The following TXK variants were observed in gnomAD, a reference collection of about 807,000 sequenced individuals.
TXK encodes the protein TXK tyrosine kinase, also known as tyrosine-protein kinase TXK.
Under a neutral mutation model 81.0 loss-of-function variants are expected in TXK, and 60 were observed. That is an observed-to-expected ratio of 0.74 (90% CI 0.60 to 0.92). The LOEUF is 0.92. Ranked by LOEUF, TXK falls within the 40% of genes least tolerant of loss-of-function variation. The pLI, the probability that TXK is intolerant of heterozygous loss-of-function variation, is 0.00. For missense variants in TXK, 581 were observed against 638.3 expected (o/e 0.91, Z 0.97); for synonymous variants, 203 against 210.7 (o/e 0.96, Z 0.32).
intron 13 of TXK, among the ~76,000 whole-genome samples, chr4:48,071,977 A>G (rs2109395753): frequency 7.1e-6 from 1 of 141,142 alleles, no homozygotes; most frequent in African/African-American, 2.6e-5. Context: ...TTTTTGAGAC[A>G]GGGTCTCGCT....
intron 5 of TXK, among the ~76,000 whole-genome samples, chr4:48,105,277 T>G (rs893358371): frequency 6.6e-6 from 1 of 152,090 alleles, no homozygotes; most frequent in Non-Finnish European, 1.5e-5. Context: ...AAACACTGAG[T>G]TTTGGCAGAC....
intron 14 of TXK, 131 bp downstream of exon 14, chr4:48,071,386 C>T (rs1262064303): frequency 1.1e-6 from 1 of 908,670 alleles, no homozygotes; most frequent in Non-Finnish European, 1.7e-6. Flanking sequence ...ACTTCAGACT[C>T]TCAGGATCAT....
At chr4:48,113,147 T>C in intron 3 of TXK, 60 bp downstream of exon 3, 2 of 1,278,452 alleles carry the variant, frequency 1.6e-6, no homozygotes, top group Non-Finnish European at 2.3e-6. Context: ...ACCTCATGAA[T>C]GAAGACTCTA....
At chr4:48,121,861 T>C (rs1186383957) in intron 1 of TXK, among the ~76,000 whole-genome samples, 2 of 152,224 alleles carry the variant, frequency 1.3e-5, no homozygotes, top group African/African-American at 4.8e-5. Context: ...AGAATGGTTA[T>C]GGTTTATAAC....
At position 48,104,295 on chromosome 4, in the gene TXK, TA is replaced by T. The variant is rs375268150; in HGVS notation, c.501+605del. Among the ~76,000 whole-genome samples, 2 of 8,000 alleles carry T rather than the reference TA, an allele frequency of 2.5e-4. 1 individual carries two copies. Among genetic ancestry groups the T allele is most frequent in the Non-Finnish European group, 3.2e-4 (2 of 6,198 alleles). 5.2% of individuals were successfully genotyped at this position (8,000 alleles called of 152,430 possible). ...TATAATATATAATATATATAATATA[TA>T]ATATAATATATAATATATATAATAT... is the stretch of plus-strand genomic sequence containing the variant. On this transcript the variant is annotated intron_variant, in intron 6 of 14. Coordinates refer to ENST00000264316, the MANE Select transcript of TXK (RefSeq NM_003328.3).
chr4:48,090,677 C>T (rs1717730428), intron 8 of TXK, among the ~76,000 whole-genome samples: 1 of 152,148 alleles, frequency 6.6e-6, no homozygotes, highest in African/African-American at 2.4e-5. Context: ...CAGTAGGGAA[C>T]AAGACTGATG....
At chr4:48,084,594 C>G (rs1264434769) in intron 10 of TXK, among the ~76,000 whole-genome samples, 1 of 152,122 alleles carries the variant, frequency 6.6e-6, no homozygotes, top group Non-Finnish European at 1.5e-5. Flanking sequence ...TATAGAAAAA[C>G]CACGGTAGGA....
At chr4:48,116,392 T>C (rs928336313) in intron 1 of TXK, among the ~76,000 whole-genome samples, 5 of 152,144 alleles carry the variant, frequency 3.3e-5, no homozygotes, top group African/African-American at 4.8e-5. Flanking sequence ...AAGGTAAGTA[T>C]TATCAGTCAG....
intron 8 of TXK, among the ~76,000 whole-genome samples, chr4:48,092,373 A>AG (rs2109431044): frequency 6.6e-6 from 1 of 152,342 alleles, no homozygotes; most frequent in African/African-American, 2.4e-5. Context: ...TCAAACATCG[A>AG]AGGAGCAACA....
intron 8 of TXK, among the ~76,000 whole-genome samples, chr4:48,090,844 A>G (rs1717737053): frequency 6.6e-6 from 1 of 152,254 alleles, no homozygotes; most frequent in Non-Finnish European, 1.5e-5. Context: ...GGCCTTTCAG[A>G]CAAGATGACA....
At position 48,070,933 on chromosome 4, in the gene TXK, C is replaced by T. The variant is rs1490325244; in HGVS notation, c.1515+584G>A. On this transcript the variant is annotated intron_variant, in intron 14 of 14. Coordinates refer to ENST00000264316, the MANE Select transcript of TXK (RefSeq NM_003328.3). ...TTTTTTTTTGAGATGGAGTCTCACTCTGTCGCCCAGGCTGGAGTGCAGTGG... is the reference window on the plus strand; with the variant it reads ...TTTTTTTTTGAGATGGAGTCTCACTTTGTCGCCCAGGCTGGAGTGCAGTGG... 2.5e-4 allele frequency among the ~76,000 whole-genome samples: 32 copies of T among 126,494 alleles called. 1 individual carries two copies. Among genetic ancestry groups the T allele is most frequent in the African/African-American group, 9.4e-4 (30 of 31,838 alleles). 83.0% of individuals were successfully genotyped at this position (126,494 alleles called of 152,430 possible).
At chr4:48,091,777 T>G (rs1289975777) in intron 8 of TXK, among the ~76,000 whole-genome samples, 1 of 152,186 alleles carries the variant, frequency 6.6e-6, no homozygotes, top group Non-Finnish European at 1.5e-5. Flanking sequence ...AGTGTTGTAA[T>G]TACAGGCATG....
chr4:48,104,597 G>T (rs11725976), intron 6 of TXK, among the ~76,000 whole-genome samples: 1,572 of 38,780 alleles, frequency 0.041, 372 homozygotes, highest in Non-Finnish European at 0.062. Flanking sequence ...TATATATATA[G>T]AGAGAGAGAG....
At chr4:48,088,967 C>G (rs191841434) in intron 9 of TXK, among the ~76,000 whole-genome samples, 1 of 152,148 alleles carries the variant, frequency 6.6e-6, no homozygotes, top group East Asian at 1.9e-4. Context: ...CTGGCACTTA[C>G]GTATTCTCAC....
intron 6 of TXK, among the ~76,000 whole-genome samples, chr4:48,102,811 G>A (rs149483108): frequency 3.5e-4 from 54 of 152,160 alleles, no homozygotes; most frequent in African/African-American, 1.2e-3. Flanking sequence ...TACCCATAAC[G>A]GTACTTTGAA....
At chr4:48,094,446 G>C (rs1717903209) in intron 7 of TXK, among the ~76,000 whole-genome samples, 1 of 152,166 alleles carries the variant, frequency 6.6e-6, no homozygotes, top group Non-Finnish European at 1.5e-5. Flanking sequence ...CCAGTGTTCA[G>C]AAAAGTAGAT....
Position 48,067,702 on chromosome 4 carries a change from G to A in TXK, c.1519C>T (p.Pro507Ser), listed in dbSNP as rs1237881319. The A allele has an allele frequency of 1.2e-6, 2 of 1,613,948 alleles. No individual in the cohort carries two copies. The highest frequency in any genetic ancestry group is 2.7e-5 in the African/African-American group (2 of 74,886). ...EVMYSCWHEKPEGRPTFAELL... is the reference protein window; with the variant it reads ...EVMYSCWHEKSEGRPTFAELL... ...TCGGCAAATGTAGGGCGGCCTTCAG[G>A]TTTCTGGAAAAGGGAAGTGGGGGTG... The change falls in exon 15 of 15, where the codon CCT becomes TCT. Residue 507 changes from proline to serine, a missense_variant. Physicochemically the swap from Pro to Ser is moderately conservative, Grantham distance 74. Transcript: ENST00000264316.
intron 1 of TXK, among the ~76,000 whole-genome samples, chr4:48,116,024 C>G (rs1195243061): frequency 1.3e-5 from 2 of 152,146 alleles, no homozygotes; most frequent in African/African-American, 4.8e-5. Context: ...GGGTTTAGCC[C>G]TAGTCACCTG....
chr4:48,114,579 C>T, intron 1 of TXK, 177 bp from the exon 2 acceptor site: 1 of 637,454 alleles, frequency 1.6e-6, no homozygotes, highest in South Asian at 1.9e-5. Context: ...TTTCTGGCAC[C>T]TTGGCCAGTG....
Sources: gnomAD v4.1 joint callset for allele counts (sites outside exome capture counted in the v4.1 genomes callset) on GRCh38, gnomAD v4.1.1 for gene constraint, MANE v1.5 for transcripts, NCBI Gene and HGNC (gene_info 2026-07-23, HGNC 2026-07-21) for gene names.